CNBD1: variants seen among roughly 807,000 people sequenced by gnomAD.
CNBD1 encodes cyclic nucleotide-binding domain-containing protein 1.
Under a neutral mutation model 54.4 loss-of-function variants are expected in CNBD1, and 71 were observed. The observed-to-expected ratio is 1.30, with a 90% CI of 1.08 to 1.59. The LOEUF (loss-of-function observed/expected upper bound fraction) is 1.59, where lower values mean the gene tolerates loss of function less well. CNBD1 is among the 40% of genes most tolerant of loss of function. The pLI is 0.00. For synonymous variants in CNBD1, 182 were observed against 170.7 expected, an observed-to-expected ratio of 1.07 and a Z score of -0.51; for missense variants, 659 against 518.0, an observed-to-expected ratio of 1.27 and a Z score of -2.64.
intron 5 of CNBD1, among the ~76,000 whole-genome samples, chr8:87,230,691 T>G (rs183852464): frequency 1.3e-3 from 197 of 152,306 alleles, no homozygotes; most frequent in Non-Finnish European, 1.9e-3. Flanking sequence ...GCATGACAAA[T>G]ATTTAATGCT....
Position 87,286,819 on chromosome 8 carries a change from A to C in CNBD1, c.1042+148A>C, listed in dbSNP as rs1041352571. 42 of 649,854 alleles carry C rather than the reference A, an allele frequency of 6.5e-5. No homozygotes were observed. The African/African-American group carries it at 7.2e-4, about 11-fold the overall frequency. 40.3% of individuals were successfully genotyped at this position (649,854 alleles called of 1,614,324 possible). A position where few individuals can be genotyped will look rare whatever the true frequency, so the allele number is the denominator to read the frequency against. On this transcript the variant is annotated intron_variant, in intron 8 of 10. Transcript: ENST00000518476. Reference sequence around the variant, plus strand: ...ATAATAACATTTGAATTGGACATTTAGATTATTTCCTGCTTTTTATTAAAA... The same window carrying C: ...ATAATAACATTTGAATTGGACATTTCGATTATTTCCTGCTTTTTATTAAAA...
In CNBD1 at chr8:87,240,065, AACACACACAC is replaced by A. The variant is rs10608912; in HGVS notation, c.771+2983_771+2992del. On this transcript the variant is annotated intron_variant, in intron 6 of 10. Transcript: ENST00000518476. ...ATAAATATAGTATGGTCTGTGCCAA[AACACACACAC>A]ACACACACACACACACACACACACA... Among the ~76,000 whole-genome samples the A allele has an allele frequency of 5.4e-3, 797 of 146,480 alleles. 6 individuals carry two copies. The highest frequency in any genetic ancestry group is 0.012 in the African/African-American group (497 of 39,980).
chr8:87,342,264 C>A (rs911699905), intron 8 of CNBD1, among the ~76,000 whole-genome samples: 1 of 138,334 alleles, frequency 7.2e-6, no homozygotes, highest in Admixed American at 7.2e-5. Context: ...CAGAGCAAGA[C>A]TCCATCTCAA....
chr8:86,961,696 G>A (rs1283173948), intron 4 of CNBD1, among the ~76,000 whole-genome samples: 1 of 152,182 alleles, frequency 6.6e-6, no homozygotes, highest in African/African-American at 2.4e-5. Context: ...TCCCTCCAGA[G>A]GCAATGGCCT....
intron 4 of CNBD1, among the ~76,000 whole-genome samples, chr8:86,965,756 C>T (rs541688988): frequency 5.3e-5 from 8 of 152,152 alleles, no homozygotes; most frequent in African/African-American, 1.2e-4. Context: ...TGAAGACAAG[C>T]GAAGGGTGAA....
intron 8 of CNBD1, among the ~76,000 whole-genome samples, chr8:87,309,140 A>C (rs1809214559): frequency 6.6e-6 from 1 of 152,030 alleles, no homozygotes; most frequent in Non-Finnish European, 1.5e-5. Context: ...TGATAGTTCT[A>C]ATTTCAGTTT....
Position 87,151,230 on chromosome 8 carries a change from C to T in CNBD1, c.432-54763C>T, listed in dbSNP as rs907313044. 2.0e-5 allele frequency among the ~76,000 whole-genome samples: 3 copies of T among 152,058 alleles called. No homozygotes were observed. The South Asian group carries it at 6.2e-4, about 32-fold the overall frequency. ...AAAATTACCAGGAGCATCCTTTGAC[C>T]CAATTTAGATGGGGTGCGTACATAT... On this transcript the variant is annotated intron_variant, in intron 4 of 10. Transcript: ENST00000518476.
chr8:87,061,986 G>T (rs1374132950), intron 4 of CNBD1, among the ~76,000 whole-genome samples: 1 of 152,142 alleles, frequency 6.6e-6, no homozygotes, highest in Non-Finnish European at 1.5e-5. Flanking sequence ...AATGATTGCT[G>T]AGTGCAGATA....
At chr8:87,335,822 G>A (rs1377154897) in intron 8 of CNBD1, among the ~76,000 whole-genome samples, 2 of 152,050 alleles carry the variant, frequency 1.3e-5, no homozygotes, top group African/African-American at 4.8e-5. Flanking sequence ...TATTTTTTGT[G>A]TGTTTTGCAG....
chr8:87,410,707 C>G (rs1183955870), intron 2 of CNBD1, among the ~76,000 whole-genome samples: 1 of 152,044 alleles, frequency 6.6e-6, no homozygotes, highest in Non-Finnish European at 1.5e-5. Context: ...GGTAAAATGC[C>G]ATCAAACAGC....
At chr8:87,133,353 G>T (rs1187965170) in intron 4 of CNBD1, among the ~76,000 whole-genome samples, 1 of 152,004 alleles carries the variant, frequency 6.6e-6, no homozygotes, top group Admixed American at 6.6e-5. Context: ...GGAGTCATTT[G>T]CCTGTGTTTC....
intron 8 of CNBD1, among the ~76,000 whole-genome samples, chr8:87,309,410 A>C (rs1472701966): frequency 6.6e-6 from 1 of 152,138 alleles, no homozygotes; most frequent in Non-Finnish European, 1.5e-5. Flanking sequence ...TATTCGGGTC[A>C]ACATTTAAAT....
intron 2 of CNBD1, among the ~76,000 whole-genome samples, chr8:86,891,915 T>C (rs1394943924): frequency 6.6e-6 from 1 of 152,062 alleles, no homozygotes; most frequent in Non-Finnish European, 1.5e-5. Flanking sequence ...TGATTTTGTA[T>C]ATCCTGCAAC....
At chr8:86,905,334 G>A in intron 3 of CNBD1, 140 bp downstream of exon 3, 1 of 516,098 alleles carries the variant, frequency 1.9e-6, no homozygotes, top group Non-Finnish European at 3.5e-6. Context: ...AGCAGCCAAG[G>A]AAACAGAAAT....
intron 10 of CNBD1, among the ~76,000 whole-genome samples, chr8:87,369,618 C>G (rs889006581): frequency 2.0e-5 from 3 of 152,056 alleles, no homozygotes; most frequent in East Asian, 1.9e-4. Flanking sequence ...GCACTTTGAG[C>G]ATGTTATTCC....
intron 4 of CNBD1, among the ~76,000 whole-genome samples, chr8:87,092,385 GTA>G (rs1269273670): frequency 2.3e-4 from 35 of 149,570 alleles, no homozygotes; most frequent in Admixed American, 1.2e-3. Flanking sequence ...GTGTGTGTGT[GTA>G]TATATATGTG....
intron 4 of CNBD1, among the ~76,000 whole-genome samples, chr8:87,000,993 T>TAGAAAA (rs1337129047): frequency 6.6e-6 from 1 of 152,158 alleles, no homozygotes; most frequent in East Asian, 1.9e-4. Flanking sequence ...TAGAAACATT[T>TAGAAAA]TTCTACATTT....
chr8:87,223,768 G>T (rs1814405647), intron 5 of CNBD1, among the ~76,000 whole-genome samples: 1 of 151,898 alleles, frequency 6.6e-6, no homozygotes, highest in East Asian at 1.9e-4. Flanking sequence ...GTAATGGGAT[G>T]GCTGGGTCAA....
intron 4 of CNBD1, among the ~76,000 whole-genome samples, chr8:87,042,755 T>TATACAATAAAC (rs1316206562): frequency 6.6e-6 from 1 of 152,076 alleles, no homozygotes; most frequent in African/African-American, 2.4e-5. Flanking sequence ...TATAAATAAT[T>TATACAATAAAC]ATACAATAAA....
Sources: allele counts gnomAD v4.1 joint callset (sites outside exome capture counted in the v4.1 genomes callset), GRCh38; gene constraint gnomAD v4.1.1; transcripts MANE v1.5; gene names NCBI Gene and HGNC (gene_info 2026-07-23, HGNC 2026-07-21).